The following LPP variants were observed in gnomAD, a reference collection of about 807,000 sequenced individuals.
LPP encodes lipoma-preferred partner.
In LPP, 38 loss-of-function variants were observed where a neutral mutation model predicts 60.4. That is an observed-to-expected ratio of 0.63 (90% CI 0.49 to 0.83). The LOEUF (loss-of-function observed/expected upper bound fraction) is 0.83, where lower values mean the gene tolerates loss of function less well. Ranked by LOEUF, LPP falls within the 40% of genes least tolerant of loss-of-function variation. The pLI, the probability that LPP is intolerant of heterozygous loss-of-function variation, is 0.00. For missense variants in LPP, 902 were observed against 783.6 expected, an observed-to-expected ratio of 1.15 and a Z score of -1.80; for synonymous variants, 328 against 290.8, an observed-to-expected ratio of 1.13 and a Z score of -1.30.
At chr3:188,525,409 A>G (rs1249063272) in intron 6 of LPP, among the ~76,000 whole-genome samples, 1 of 152,242 alleles carries the variant, frequency 6.6e-6, no homozygotes, top group Non-Finnish European at 1.5e-5. Context: ...TCATACAAAA[A>G]TGTTATATAA....
intron 2 of LPP, among the ~76,000 whole-genome samples, chr3:188,290,491 C>T (rs1745575680): frequency 6.6e-6 from 1 of 152,034 alleles, no homozygotes. Context: ...ATGCTTGGCA[C>T]ACAGCATGCC....
chr3:188,462,515 CAT>C (rs1353313362), intron 4 of LPP, among the ~76,000 whole-genome samples: 5 of 129,828 alleles, frequency 3.9e-5, no homozygotes, highest in African/African-American at 1.4e-4. Context: ...CCAAATGGCT[CAT>C]ATAAATTTAG....
At chr3:188,176,061 A>G (rs1485393278) in intron 1 of LPP, among the ~76,000 whole-genome samples, 1 of 152,150 alleles carries the variant, frequency 6.6e-6, no homozygotes, top group African/African-American at 2.4e-5. Flanking sequence ...TGTTGAATTG[A>G]GAAAGCATAA....
At chr3:188,362,480 T>C (rs145306837) in intron 3 of LPP, among the ~76,000 whole-genome samples, 1 of 152,328 alleles carries the variant, frequency 6.6e-6, no homozygotes, top group African/African-American at 2.4e-5. Flanking sequence ...GCCATACTCC[T>C]TTGGACATCC....
intron 8 of LPP, among the ~76,000 whole-genome samples, chr3:188,741,174 G>GAA (rs564780962): frequency 5.7e-5 from 8 of 139,986 alleles, no homozygotes; most frequent in Non-Finnish European, 7.8e-5. Context: ...TGAAATTTAT[G>GAA]AAAAAAAAAA....
At chr3:188,231,351 A>C (rs1269982940) in intron 2 of LPP, among the ~76,000 whole-genome samples, 3 of 152,218 alleles carry the variant, frequency 2.0e-5, no homozygotes, top group Non-Finnish European at 1.5e-5. Flanking sequence ...GAATAAACCC[A>C]GCACACCTCT....
At chr3:188,207,851 A>G (rs965965222) in intron 1 of LPP, among the ~76,000 whole-genome samples, 2 of 151,770 alleles carry the variant, frequency 1.3e-5, no homozygotes, top group African/African-American at 4.8e-5. Flanking sequence ...TAACCCACCC[A>G]TTGGGAGGGA....
At chr3:188,664,375 G>C (rs1204746610) in intron 7 of LPP, among the ~76,000 whole-genome samples, 1 of 152,124 alleles carries the variant, frequency 6.6e-6, no homozygotes, top group Non-Finnish European at 1.5e-5. Flanking sequence ...CCATAGCCTT[G>C]TTTGAATAAA....
chr3:188,603,465 G>T (rs954972578), intron 6 of LPP, among the ~76,000 whole-genome samples: 1 of 151,738 alleles, frequency 6.6e-6, no homozygotes, highest in African/African-American at 2.4e-5. Context: ...TTGAACCTTC[G>T]ATCTGCCACC....
chr3:188,155,709 G>T (rs1278887694), intron 1 of LPP, among the ~76,000 whole-genome samples: 4 of 152,066 alleles, frequency 2.6e-5, no homozygotes, highest in Non-Finnish European at 4.4e-5. Flanking sequence ...GCACCAGGGG[G>T]CAGTTAAAGG....
intron 9 of LPP, among the ~76,000 whole-genome samples, chr3:188,795,359 T>G (rs1232572359): frequency 6.6e-6 from 1 of 152,184 alleles, no homozygotes; most frequent in East Asian, 1.9e-4. Context: ...AAATCCCCCA[T>G]GTTTAGCCAG....
intron 9 of LPP, among the ~76,000 whole-genome samples, chr3:188,821,990 C>T (rs1308542761): frequency 6.6e-6 from 1 of 152,092 alleles, no homozygotes; most frequent in African/African-American, 2.4e-5. Flanking sequence ...TGGTAGCCCC[C>T]TAAGATGCTG....
intron 6 of LPP, among the ~76,000 whole-genome samples, chr3:188,527,572 A>G (rs1185020008): frequency 6.6e-6 from 1 of 152,076 alleles, no homozygotes; most frequent in African/African-American, 2.4e-5. Flanking sequence ...CAGGTCAGAA[A>G]AATGTTCTCC....
intron 4 of LPP, among the ~76,000 whole-genome samples, chr3:188,409,412 A>G (rs1784396973): frequency 6.6e-6 from 1 of 152,244 alleles, no homozygotes; most frequent in African/African-American, 2.4e-5. Context: ...TATGAAACAA[A>G]GATGTATCCA....
At chr3:188,532,670 C>A (rs1333044483) in intron 6 of LPP, among the ~76,000 whole-genome samples, 4 of 152,172 alleles carry the variant, frequency 2.6e-5, no homozygotes, top group African/African-American at 9.7e-5. Context: ...GTCCATGTTA[C>A]CAGTTTGTGC....
At chr3:188,411,508 A>G (rs751852216) in intron 4 of LPP, among the ~76,000 whole-genome samples, 12 of 152,148 alleles carry the variant, frequency 7.9e-5, no homozygotes, top group Non-Finnish European at 1.3e-4. Flanking sequence ...AGTGTTAACT[A>G]TTTCATTTTT....
At chr3:188,269,213 C>G (rs1736743036) in intron 2 of LPP, among the ~76,000 whole-genome samples, 1 of 152,192 alleles carries the variant, frequency 6.6e-6, no homozygotes, top group African/African-American at 2.4e-5. Flanking sequence ...TATCTTTATG[C>G]TGTTCCTTCT....
At position 188,609,210 on chromosome 3, in the gene LPP, G is replaced by A; in HGVS notation, c.479G>A (p.Gly160Glu). The change falls in exon 7 of 12, where the codon GGA becomes GAA. Residue 160 changes from glycine (G) to glutamate (E), a missense_variant. By Grantham distance (98) the Gly-to-Glu change is moderately conservative. Coordinates refer to ENST00000617246, the MANE Select transcript of LPP (RefSeq NM_001375462.1). This position sits in a 1 kb window ranked among gnomAD's most constrained non-coding sequence, Gnocchi z 6.9. Reference protein sequence around the residue: ...ASPPVSTPVTGHKRMVIPNQP... With the variant: ...ASPPVSTPVTEHKRMVIPNQP... Reference sequence around the variant, plus strand: ...CCTCCAGTTTCGACCCCAGTCACAGGACACAAGAGAATGGTCATCCCGAAC... The same window carrying A: ...CCTCCAGTTTCGACCCCAGTCACAGAACACAAGAGAATGGTCATCCCGAAC... 4.3e-6 allele frequency: 7 copies of A among 1,613,776 alleles called. No homozygotes were observed. Among genetic ancestry groups the A allele is most frequent in the Non-Finnish European group, 5.9e-6 (7 of 1,179,930 alleles).
intron 2 of LPP, among the ~76,000 whole-genome samples, chr3:188,232,899 A>G (rs1720587094): frequency 6.6e-6 from 1 of 152,046 alleles, no homozygotes; most frequent in Non-Finnish European, 1.5e-5. Flanking sequence ...AAAGCAGCGT[A>G]ATGTCTATAA....
Sources: allele counts gnomAD v4.1 joint callset (sites outside exome capture counted in the v4.1 genomes callset), GRCh38; gene constraint gnomAD v4.1.1; non-coding constraint Gnocchi (gnomAD v3.1); transcripts MANE v1.5; gene names NCBI Gene and HGNC (gene_info 2026-07-23, HGNC 2026-07-21).